Variants in LSAMP observed in about 807,000 individuals in gnomAD.
LSAMP encodes the protein limbic system associated membrane protein.
A neutral mutation model predicts 38.6 loss-of-function variants in LSAMP; 7 were observed. That is an observed-to-expected ratio of 0.18 (90% CI 0.10 to 0.34). The LOEUF is 0.34. LSAMP is among the 10% of genes least tolerant of loss of function. LSAMP has a pLI of 1.00. For missense variants in LSAMP, 313 were observed against 420.0 expected (o/e 0.75, Z 2.23); for synonymous variants, 154 against 166.8 (o/e 0.92, Z 0.59).
chr3:116,306,436 A>G (rs1246483286), intron 1 of LSAMP, among the ~76,000 whole-genome samples: 3 of 152,044 alleles, frequency 2.0e-5, no homozygotes, highest in Non-Finnish European at 4.4e-5. Flanking sequence ...CTTAGTGCAT[A>G]CCTAGTGTTT....
intron 1 of LSAMP, among the ~76,000 whole-genome samples, chr3:116,388,166 C>G (rs998694467): frequency 6.6e-6 from 1 of 151,808 alleles, no homozygotes; most frequent in African/African-American, 2.4e-5. Flanking sequence ...AGTAGTGGAG[C>G]AAATATCACA....
At chr3:116,051,811 C>T (rs760365126) in intron 2 of LSAMP, among the ~76,000 whole-genome samples, 31 of 151,698 alleles carry the variant, frequency 2.0e-4, no homozygotes, top group Non-Finnish European at 3.5e-4. Context: ...AGGTGCTCAT[C>T]GGTGAAATGG....
intron 3 of LSAMP, among the ~76,000 whole-genome samples, chr3:116,012,222 T>G (rs1940351188): frequency 6.6e-6 from 1 of 152,238 alleles, no homozygotes; most frequent in Non-Finnish European, 1.5e-5. Context: ...CTTTGATTTT[T>G]AAATATGCTC....
At chr3:116,433,664 T>C in intron 1 of LSAMP, among the ~76,000 whole-genome samples, 1 of 152,208 alleles carries the variant, frequency 6.6e-6, no homozygotes. Context: ...GAAACTAGAA[T>C]GGATCGGTGG....
intron 3 of LSAMP, among the ~76,000 whole-genome samples, chr3:116,011,636 G>A (rs1940328660): frequency 6.6e-6 from 1 of 152,110 alleles, no homozygotes; most frequent in Non-Finnish European, 1.5e-5. Context: ...CTGGAAAACT[G>A]ATGAAAGGCA....
intron 1 of LSAMP, among the ~76,000 whole-genome samples, chr3:116,261,385 T>C (rs978162052): frequency 6.6e-6 from 1 of 152,210 alleles, no homozygotes; most frequent in Non-Finnish European, 1.5e-5. Context: ...TGTTCCATAA[T>C]AGCATGTGTC....
intron 6 of LSAMP, 74 bp downstream of exon 6, chr3:115,841,771 G>T (rs752802168): frequency 4.4e-5 from 67 of 1,508,836 alleles, no homozygotes; most frequent in Non-Finnish European, 4.3e-5. Flanking sequence ...ATAGCTAAGG[G>T]AATGGTTTTC....
intron 1 of LSAMP, among the ~76,000 whole-genome samples, chr3:116,355,998 C>T (rs540022304): frequency 2.0e-5 from 3 of 152,196 alleles, no homozygotes; most frequent in South Asian, 4.2e-4. Context: ...TTAGTACAGC[C>T]ACTATGGAGA....
intron 1 of LSAMP, among the ~76,000 whole-genome samples, chr3:116,186,481 T>G (rs909750660): frequency 6.6e-6 from 1 of 152,036 alleles, no homozygotes. Flanking sequence ...TAGGACATTT[T>G]GAGAGGCAGT....
chr3:116,101,246 A>G (rs1708340716), intron 1 of LSAMP, among the ~76,000 whole-genome samples: 3 of 152,222 alleles, frequency 2.0e-5, no homozygotes, highest in Non-Finnish European at 4.4e-5. Context: ...AAAGCGGAGA[A>G]GTTGTGACAG....
intron 3 of LSAMP, among the ~76,000 whole-genome samples, chr3:115,871,215 G>C (rs1936023297): frequency 6.6e-6 from 1 of 152,120 alleles, no homozygotes; most frequent in African/African-American, 2.4e-5. Context: ...CATTCTCATA[G>C]GGATTGGCAG....
chr3:116,276,051 G>C (rs1322834661), intron 1 of LSAMP, among the ~76,000 whole-genome samples: 1 of 152,156 alleles, frequency 6.6e-6, no homozygotes, highest in Non-Finnish European at 1.5e-5. Context: ...CTGACACCAG[G>C]CTATGTTTTA....
intron 1 of LSAMP, among the ~76,000 whole-genome samples, chr3:116,181,714 G>A (rs1305679361): frequency 1.3e-5 from 2 of 151,918 alleles, no homozygotes; most frequent in Non-Finnish European, 2.9e-5. Context: ...AATATCCTAA[G>A]ATAGACAGCC....
chr3:115,939,987 G>T (rs1210925095), intron 3 of LSAMP, among the ~76,000 whole-genome samples: 1 of 152,106 alleles, frequency 6.6e-6, no homozygotes, highest in East Asian at 1.9e-4. Flanking sequence ...AGAGTTGTTT[G>T]TTCCTCCTGG....
At chr3:115,939,369 C>A (rs902248094) in intron 3 of LSAMP, among the ~76,000 whole-genome samples, 2 of 151,970 alleles carry the variant, frequency 1.3e-5, no homozygotes, top group Non-Finnish European at 2.9e-5. Context: ...TAGATGGCAG[C>A]CTAAAGGGTA....
intron 1 of LSAMP, among the ~76,000 whole-genome samples, chr3:116,187,262 A>T (rs1265409761): frequency 6.6e-6 from 1 of 152,156 alleles, no homozygotes; most frequent in Non-Finnish European, 1.5e-5. Flanking sequence ...GAAACCAAAG[A>T]TACCATAAAT....
intron 1 of LSAMP, among the ~76,000 whole-genome samples, chr3:116,106,922 A>C (rs888901743): frequency 1.3e-5 from 2 of 152,166 alleles, no homozygotes; most frequent in Non-Finnish European, 2.9e-5. Flanking sequence ...AGAATAGCAG[A>C]TAGAACACTG....
intron 3 of LSAMP, among the ~76,000 whole-genome samples, chr3:115,992,983 C>A (rs1029900251): frequency 6.6e-6 from 1 of 152,056 alleles, no homozygotes; most frequent in Non-Finnish European, 1.5e-5. Flanking sequence ...GTGCCAATTT[C>A]TCCTGCATTT....
chr3:116,168,704 T>TC lies in LSAMP; in HGVS notation c.156-82149dup, dbSNP rs1710121845. 3.3e-5 allele frequency among the ~76,000 whole-genome samples: 5 copies of TC among 152,254 alleles called. No homozygotes were observed. In the South Asian group the frequency reaches 1.0e-3, roughly 32 times the overall value. ...GGCAGCCTCAATGACCCGAACATCT[T>TC]CCCCACTGATGCCAACAATTCCACC... On this transcript the variant is annotated intron_variant, in intron 1 of 6. Transcript: ENST00000490035.
Sources: allele counts gnomAD v4.1 joint callset (sites outside exome capture counted in the v4.1 genomes callset), GRCh38; gene constraint gnomAD v4.1.1; transcripts MANE v1.5; gene names NCBI Gene and HGNC (gene_info 2026-07-23, HGNC 2026-07-21).